The following SGCZ variants were observed in gnomAD, a reference collection of about 807,000 sequenced individuals.
SGCZ encodes the protein zeta-sarcoglycan.
In SGCZ, 40 loss-of-function variants were observed where a neutral mutation model predicts 41.3. That is an observed-to-expected ratio of 0.97 (90% CI 0.75 to 1.26). SGCZ has a LOEUF of 1.26. Ranked by LOEUF, SGCZ falls within the 50% of genes most tolerant of loss-of-function variation. The pLI, the probability that SGCZ is intolerant of heterozygous loss-of-function variation, is 0.00. For synonymous variants in SGCZ, 206 were observed against 137.5 expected (o/e 1.50, Z -3.49); for missense variants, 552 against 369.8 (o/e 1.49, Z -4.04).
chr8:14,385,825 T>C (rs1804554478), intron 2 of SGCZ, among the ~76,000 whole-genome samples: 1 of 152,192 alleles, frequency 6.6e-6, no homozygotes, highest in Admixed American at 6.5e-5. Context: ...CACTCCTTAG[T>C]ATCTGACAGG....
chr8:14,862,118 C>G (rs1307198856), intron 1 of SGCZ, among the ~76,000 whole-genome samples: 2 of 152,034 alleles, frequency 1.3e-5, no homozygotes, highest in African/African-American at 4.8e-5. Context: ...TTAAGTCATT[C>G]CCAGTGCCTG....
intron 1 of SGCZ, among the ~76,000 whole-genome samples, chr8:14,894,053 T>C (rs1256133392): frequency 6.6e-6 from 1 of 152,136 alleles, no homozygotes; most frequent in Non-Finnish European, 1.5e-5. Flanking sequence ...TCAAGTCCCT[T>C]CACAGAAAAT....
intron 1 of SGCZ, among the ~76,000 whole-genome samples, chr8:14,637,282 GTCCTC>G (rs1806862709): frequency 6.6e-6 from 1 of 150,826 alleles, no homozygotes; most frequent in Admixed American, 6.6e-5. Flanking sequence ...CTCTAAAACT[GTCCTC>G]TCCTTTTCTA....
chr8:15,061,537 A>T (rs1563477426), intron 1 of SGCZ, among the ~76,000 whole-genome samples: 1 of 151,602 alleles, frequency 6.6e-6, no homozygotes, highest in African/African-American at 2.4e-5. Context: ...ATATAAAAAA[A>T]AAAAACAGGA....
intron 3 of SGCZ, among the ~76,000 whole-genome samples, chr8:14,242,278 G>C (rs1798917441): frequency 6.6e-6 from 1 of 152,170 alleles, no homozygotes; most frequent in African/African-American, 2.4e-5. Context: ...GGTACAAACA[G>C]CAACCAACAT....
chr8:14,855,353 A>G (rs964732653), intron 1 of SGCZ, among the ~76,000 whole-genome samples: 9 of 152,120 alleles, frequency 5.9e-5, no homozygotes, highest in African/African-American at 1.7e-4. Flanking sequence ...CCCAGCCGGC[A>G]TCTCCATTCT....
intron 3 of SGCZ, chr8:14,309,230 G>A: frequency 3.3e-6 from 5 of 1,514,538 alleles, no homozygotes; most frequent in Admixed American, 3.4e-5. Context: ...TACTGTTGAA[G>A]ACTTCTGGGC....
In SGCZ at chr8:14,271,162, C is replaced by T. The variant is rs141004652; in HGVS notation, c.337-33483G>A. Among the ~76,000 whole-genome samples, 918 of 150,794 alleles carry T rather than the reference C, an allele frequency of 6.1e-3. 7 individuals carry two copies. Among genetic ancestry groups the T allele is most frequent in the African/African-American group, 0.021 (840 of 40,970 alleles). ...TGTATACATATGTAACTAACCTGCA[C>T]GTTGTGCACATGTACCGTAAAACTT... On this transcript the variant is annotated intron_variant, in intron 3 of 7. Transcript: ENST00000382080.
intron 1 of SGCZ, among the ~76,000 whole-genome samples, chr8:14,632,956 T>C (rs73664415): frequency 0.026 from 3,981 of 151,962 alleles, 106 homozygotes; most frequent in African/African-American, 0.071. Flanking sequence ...TGAAAACTTT[T>C]TGCTTGTTAA....
At chr8:14,739,282 C>T (rs193168299) in intron 1 of SGCZ, among the ~76,000 whole-genome samples, 102 of 151,806 alleles carry the variant, frequency 6.7e-4, no homozygotes, top group African/African-American at 2.4e-3. Flanking sequence ...AAAAATCAAA[C>T]ATATAAAGAC....
At chr8:14,533,044 T>G (rs907496997) in intron 2 of SGCZ, among the ~76,000 whole-genome samples, 1 of 152,058 alleles carries the variant, frequency 6.6e-6, no homozygotes, top group African/African-American at 2.4e-5. Flanking sequence ...GTGCACAAGG[T>G]GCAGGTTTGT....
intron 2 of SGCZ, among the ~76,000 whole-genome samples, chr8:14,476,038 T>C (rs1260281528): frequency 1.3e-5 from 2 of 151,972 alleles, no homozygotes; most frequent in East Asian, 3.9e-4. Flanking sequence ...GCTCCTGGCC[T>C]CAAGCAAATC....
At chr8:15,182,051 A>T (rs2117089393) in intron 1 of SGCZ, among the ~76,000 whole-genome samples, 1 of 152,328 alleles carries the variant, frequency 6.6e-6, no homozygotes, top group Non-Finnish European at 1.5e-5. Flanking sequence ...TTGAAAAAAT[A>T]GAGGAAACCA....
rs577240068 is a variant in SGCZ at position 14,821,643 on chromosome 8, T to C, written c.40-266717A>G. 2.0e-5 allele frequency among the ~76,000 whole-genome samples: 3 copies of C among 152,226 alleles called. No individual in the cohort carries two copies. The South Asian group carries it at 6.2e-4, about 32-fold the overall frequency. ...TGATCAGGCGAACCTGATTCTATGATGCAAGAATGTCTTAACATACCCAAA... is the reference window on the plus strand; with the variant it reads ...TGATCAGGCGAACCTGATTCTATGACGCAAGAATGTCTTAACATACCCAAA... On this transcript the variant is annotated intron_variant, in intron 1 of 7. Coordinates refer to ENST00000382080, the MANE Select transcript of SGCZ (RefSeq NM_139167.4).
intron 1 of SGCZ, among the ~76,000 whole-genome samples, chr8:15,003,292 A>T (rs1171140983): frequency 1.3e-5 from 2 of 152,116 alleles, no homozygotes; most frequent in African/African-American, 4.8e-5. Flanking sequence ...ATAGAATGAG[A>T]ACTGAGTGGA....
At chr8:14,522,432 T>C (rs898170365) in intron 2 of SGCZ, among the ~76,000 whole-genome samples, 2 of 151,998 alleles carry the variant, frequency 1.3e-5, no homozygotes, top group Non-Finnish European at 2.9e-5. Context: ...GCTCTTCAAA[T>C]ATGCTGTTTC....
chr8:14,408,952 A>ATGTGTGTGTGTGT (rs1563310415), intron 2 of SGCZ, among the ~76,000 whole-genome samples: 3 of 149,452 alleles, frequency 2.0e-5, no homozygotes, highest in African/African-American at 7.4e-5. Context: ...AAATTAAGAG[A>ATGTGTGTGTGTGT]GTGTGTGTGT....
chr8:14,494,779 T>C (rs1273775547), intron 2 of SGCZ, among the ~76,000 whole-genome samples: 1 of 152,144 alleles, frequency 6.6e-6, no homozygotes, highest in Non-Finnish European at 1.5e-5. Context: ...GGCTTTCAGA[T>C]GGTTGTGTAG....
chr8:14,869,153 C>T (rs1334009625), intron 1 of SGCZ, among the ~76,000 whole-genome samples: 1 of 152,124 alleles, frequency 6.6e-6, no homozygotes, highest in Non-Finnish European at 1.5e-5. Context: ...AATTTCAGGC[C>T]AATATCCCTG....
Sources: allele counts gnomAD v4.1 joint callset (sites outside exome capture counted in the v4.1 genomes callset), GRCh38; gene constraint gnomAD v4.1.1; transcripts MANE v1.5; gene names NCBI Gene and HGNC (gene_info 2026-07-23, HGNC 2026-07-21).